ADAMTS12: variants seen among roughly 807,000 people sequenced by gnomAD.
ADAMTS12 encodes the protein A disintegrin and metalloproteinase with thrombospondin motifs 12.
A neutral mutation model predicts 167.8 loss-of-function variants in ADAMTS12; 118 were observed. The ratio of observed to expected loss-of-function variants is 0.70; its 90% CI spans 0.61 to 0.82. The LOEUF is 0.82. Among genes scored for constraint, ADAMTS12 ranks in the 40% least tolerant of loss-of-function variants. The pLI is 0.00. For synonymous variants in ADAMTS12, 704 were observed against 716.9 expected, an observed-to-expected ratio of 0.98 and a Z score of 0.29; for missense variants, 1,916 against 1,998.8, an observed-to-expected ratio of 0.96 and a Z score of 0.79.
At chr5:33,883,960 C>T (rs556857297) in intron 1 of ADAMTS12, among the ~76,000 whole-genome samples, 2 of 151,766 alleles carry the variant, frequency 1.3e-5, no homozygotes, top group Non-Finnish European at 2.9e-5. Flanking sequence ...GTATTTCCCT[C>T]TGGCTGCTCT....
intron 22 of ADAMTS12, among the ~76,000 whole-genome samples, chr5:33,538,037 A>C (rs1028814546): frequency 8.5e-5 from 13 of 152,136 alleles, no homozygotes; most frequent in Admixed American, 5.9e-4. Flanking sequence ...GTGGCAACCA[A>C]CTTTCTGAAA....
At chr5:33,792,576 G>A (rs1011299549) in intron 2 of ADAMTS12, among the ~76,000 whole-genome samples, 9 of 152,186 alleles carry the variant, frequency 5.9e-5, no homozygotes, top group Non-Finnish European at 2.9e-5. Context: ...CAAGTGTTAA[G>A]CACAGGTGAT....
At chr5:33,695,181 C>T (rs1742709538) in intron 3 of ADAMTS12, among the ~76,000 whole-genome samples, 1 of 152,174 alleles carries the variant, frequency 6.6e-6, no homozygotes, top group Non-Finnish European at 1.5e-5. Flanking sequence ...ACTCTAATTC[C>T]TCTTGTTTTC....
In ADAMTS12 at chr5:33,637,868, T is replaced by C. The variant is rs548287267; in HGVS notation, c.1719-122A>G. 5.0e-6 allele frequency: 5 copies of C among 993,090 alleles called. No homozygotes were observed. The Admixed American group carries it at 8.8e-5, about 17-fold the overall frequency. 61.5% of individuals were successfully genotyped at this position (993,090 alleles called of 1,614,324 possible). A position where few individuals can be genotyped will look rare whatever the true frequency, so the allele number is the denominator to read the frequency against. ...TCTCTATGCCCTCAAAACTTACCTT[T>C]TAAATAACTGCTTCAAATTTTACAC... On this transcript the variant is annotated intron_variant, in intron 11 of 23. Transcript: ENST00000504830.
chr5:33,693,713 A>G (rs929343472), intron 3 of ADAMTS12, among the ~76,000 whole-genome samples: 2 of 152,202 alleles, frequency 1.3e-5, no homozygotes, highest in African/African-American at 4.8e-5. Context: ...CTAACATCAT[A>G]TCAAATGACC....
At chr5:33,597,912 G>A (rs12697291) in intron 16 of ADAMTS12, among the ~76,000 whole-genome samples, 48,706 of 152,044 alleles carry the variant, frequency 0.32, 8,221 homozygotes, top group Non-Finnish European at 0.35. Context: ...GAAAAGGACC[G>A]TCAGATGACT....
intron 2 of ADAMTS12, among the ~76,000 whole-genome samples, chr5:33,823,516 T>A (rs1383415995): frequency 6.6e-6 from 1 of 152,154 alleles, no homozygotes; most frequent in Non-Finnish European, 1.5e-5. Flanking sequence ...CATGTTGGTC[T>A]TAGTGTCAGA....
At position 33,615,977 on chromosome 5, in the gene ADAMTS12, C is replaced by A. The variant is rs1390387090; in HGVS notation, c.2239G>T (p.Asp747Tyr). The change falls in exon 15 of 24, where the codon GAT becomes TAT. Residue 747 changes from aspartate to tyrosine, a missense_variant. Physicochemically the swap from Asp to Tyr is radical, Grantham distance 160 (BLOSUM62 -3). Transcript: ENST00000504830. ...AGNFLAIRSE[D>Y]PEKYYLNGGF... ...CCATTCAGGTAATATTTTTCAGGATCTTCACTCCTGATGGCCAGGAAGTTT... is the reference window on the plus strand; with the variant it reads ...CCATTCAGGTAATATTTTTCAGGATATTCACTCCTGATGGCCAGGAAGTTT... 1 of 1,614,138 alleles carries A rather than the reference C, an allele frequency of 6.2e-7. No individual in the cohort carries two copies. Among genetic ancestry groups the A allele is most frequent in the Admixed American group, 1.7e-5 (1 of 60,020 alleles).
intron 16 of ADAMTS12, among the ~76,000 whole-genome samples, chr5:33,598,671 G>C (rs1163195345): frequency 6.6e-6 from 1 of 152,146 alleles, no homozygotes; most frequent in African/African-American, 2.4e-5. Context: ...CCTAGAAAAT[G>C]GTTTGTTGAA....
intron 17 of ADAMTS12, among the ~76,000 whole-genome samples, chr5:33,590,970 T>C (rs1423201068): frequency 6.6e-6 from 1 of 151,928 alleles, no homozygotes; most frequent in Non-Finnish European, 1.5e-5. Flanking sequence ...AGTTGTTCTC[T>C]GCTGCCCATC....
chr5:33,740,030 C>T (rs546350209), intron 3 of ADAMTS12, among the ~76,000 whole-genome samples: 8 of 152,262 alleles, frequency 5.3e-5, no homozygotes, highest in African/African-American at 1.9e-4. Context: ...TCATAACTCA[C>T]GAAAGTTAAG....
At chr5:33,776,578 T>G (rs1440177132) in intron 2 of ADAMTS12, among the ~76,000 whole-genome samples, 1 of 152,010 alleles carries the variant, frequency 6.6e-6, no homozygotes, top group African/African-American at 2.4e-5. Context: ...AAAGCAATTC[T>G]AAGAAAGAAG....
intron 18 of ADAMTS12, among the ~76,000 whole-genome samples, chr5:33,584,750 C>T (rs1251845381): frequency 6.6e-6 from 1 of 152,118 alleles, no homozygotes; most frequent in East Asian, 1.9e-4. Context: ...AATTAGATTG[C>T]CAGGGCTGGA....
rs182214736 is a variant in ADAMTS12, at chr5:33,614,929, C to T, written c.2389-553G>A. Among the ~76,000 whole-genome samples the T allele has an allele frequency of 1.6e-3, 244 of 152,210 alleles. 1 individual carries two copies. Among genetic ancestry groups the T allele is most frequent in the African/African-American group, 5.2e-3 (218 of 41,528 alleles). Reference sequence around the variant, plus strand: ...TATTATGTTTGTTATTGTTGTCTTACGATGGCTTTCCCTACCTCTCAGGCT... The same window carrying T: ...TATTATGTTTGTTATTGTTGTCTTATGATGGCTTTCCCTACCTCTCAGGCT... On this transcript the variant is annotated intron_variant, in intron 15 of 23. Coordinates refer to ENST00000504830, the MANE Select transcript of ADAMTS12 (RefSeq NM_030955.4).
chr5:33,546,733 T>A (rs901310434), intron 21 of ADAMTS12, among the ~76,000 whole-genome samples: 4 of 152,208 alleles, frequency 2.6e-5, no homozygotes, highest in Non-Finnish European at 4.4e-5. Context: ...TCTAAAAGGG[T>A]ACAATTCTGA....
intron 2 of ADAMTS12, among the ~76,000 whole-genome samples, chr5:33,756,073 C>T (rs1340096673): frequency 6.6e-6 from 1 of 152,208 alleles, no homozygotes; most frequent in Middle Eastern, 3.2e-3. Context: ...AAGGTACTGA[C>T]CCTGCCCTCA....
At chr5:33,872,270 G>A in intron 2 of ADAMTS12, among the ~76,000 whole-genome samples, 1 of 152,186 alleles carries the variant, frequency 6.6e-6, no homozygotes, top group African/African-American at 2.4e-5. Flanking sequence ...AACTAGCTGG[G>A]CGTGGTGGCT....
chr5:33,655,397 G>A (rs888652312), intron 7 of ADAMTS12, among the ~76,000 whole-genome samples: 15 of 152,086 alleles, frequency 9.9e-5, no homozygotes, highest in African/African-American at 2.7e-4. Flanking sequence ...TTCTTCTCAC[G>A]TTGGGTAGGG....
In ADAMTS12 at chr5:33,684,026, G is replaced by T. The variant is rs1163359346; in HGVS notation, c.664C>A (p.Leu222Ile). 2 of 1,604,616 alleles carry T rather than the reference G, an allele frequency of 1.2e-6. No individual in the cohort carries two copies. The highest frequency in any genetic ancestry group is 3.4e-5 in the Admixed American group (2 of 59,138). The change falls in exon 4 of 24, where the codon CTA becomes ATA. Residue 222 changes from leucine to isoleucine, a missense_variant. Leu to Ile is a conservative substitution (Grantham distance 5). Coordinates refer to ENST00000504830, the MANE Select transcript of ADAMTS12 (RefSeq NM_030955.4). Reference sequence around the variant, plus strand: ...TGCCTCTCCCACTTCTCCCGCCATAGCTCTTGCTTCTGGGAGATGTTAACA... The same window carrying T: ...TGCCTCTCCCACTTCTCCCGCCATATCTCTTGCTTCTGGGAGATGTTAACA... ...DSVNISQKQE[L>I]WREKWERHNL...
Sources: gnomAD v4.1 joint callset for allele counts (sites outside exome capture counted in the v4.1 genomes callset) on GRCh38, gnomAD v4.1.1 for gene constraint, MANE v1.5 for transcripts, NCBI Gene and HGNC (gene_info 2026-07-23, HGNC 2026-07-21) for gene names.